The following NEGR1 variants were observed in gnomAD, a reference collection of about 807,000 sequenced individuals.
The protein encoded by NEGR1 is neuronal growth regulator 1.
A neutral mutation model predicts 40.9 loss-of-function variants in NEGR1; 10 were observed. The observed-to-expected ratio is 0.24, with a 90% CI of 0.15 to 0.42. The LOEUF (loss-of-function observed/expected upper bound fraction) is 0.42. Among genes scored for constraint, NEGR1 ranks in the 10% least tolerant of loss-of-function variants. NEGR1 has a pLI of 1.00. For synonymous variants in NEGR1, 185 were observed against 166.8 expected (o/e 1.11, Z -0.84); for missense variants, 352 against 438.9 (o/e 0.80, Z 1.77).
chr1:72,004,559 T>C (rs941494343), intron 1 of NEGR1, among the ~76,000 whole-genome samples: 2 of 152,152 alleles, frequency 1.3e-5, no homozygotes, highest in Non-Finnish European at 2.9e-5. Context: ...TCAGGGATTA[T>C]AGGCATGAAC....
At chr1:71,623,519 A>T (rs1354279172) in intron 4 of NEGR1, among the ~76,000 whole-genome samples, 1 of 151,928 alleles carries the variant, frequency 6.6e-6, no homozygotes, top group Non-Finnish European at 1.5e-5. Flanking sequence ...AAAACATCCT[A>T]GTGGGAAGTG....
At chr1:71,895,452 C>T (rs1267939514) in intron 2 of NEGR1, among the ~76,000 whole-genome samples, 1 of 152,180 alleles carries the variant, frequency 6.6e-6, no homozygotes, top group African/African-American at 2.4e-5. Context: ...ACCTACTCCT[C>T]ATTCATCCCT....
At chr1:72,207,375 T>C (rs895969504) in intron 1 of NEGR1, among the ~76,000 whole-genome samples, 6 of 151,920 alleles carry the variant, frequency 3.9e-5, no homozygotes, top group African/African-American at 1.4e-4. Context: ...TAGGGCAATG[T>C]ATGTGCTCTC....
At chr1:71,738,962 C>CA in intron 3 of NEGR1, among the ~76,000 whole-genome samples, 1 of 151,848 alleles carries the variant, frequency 6.6e-6, no homozygotes, top group Non-Finnish European at 1.5e-5. Flanking sequence ...TGACTAAGGA[C>CA]AAAAAAGAGC....
intron 2 of NEGR1, among the ~76,000 whole-genome samples, chr1:71,926,609 ACT>A (rs1255819192): frequency 6.7e-6 from 1 of 149,702 alleles, no homozygotes; most frequent in African/African-American, 2.4e-5. Context: ...AAAAGAGATG[ACT>A]CAGATGGAAG....
intron 2 of NEGR1, among the ~76,000 whole-genome samples, chr1:71,912,564 T>C (rs1661447592): frequency 6.6e-6 from 1 of 152,218 alleles, no homozygotes; most frequent in Non-Finnish European, 1.5e-5. Context: ...CTGATAAACG[T>C]CATTCTTACA....
chr1:71,461,242 ATT>A (rs775729849), intron 6 of NEGR1, among the ~76,000 whole-genome samples: 7 of 152,148 alleles, frequency 4.6e-5, no homozygotes, highest in Non-Finnish European at 8.8e-5. Context: ...TATCATGAAA[ATT>A]TTTTGCCAAT....
At chr1:72,047,299 T>C (rs895152759) in intron 1 of NEGR1, among the ~76,000 whole-genome samples, 4 of 151,308 alleles carry the variant, frequency 2.6e-5, no homozygotes, top group African/African-American at 9.7e-5. Context: ...TTTCTGAGAG[T>C]CTCCTGTCAT....
intron 4 of NEGR1, among the ~76,000 whole-genome samples, chr1:71,644,665 G>C (rs920863111): frequency 6.6e-6 from 1 of 151,914 alleles, no homozygotes; most frequent in Non-Finnish European, 1.5e-5. Flanking sequence ...TTCAATTTCT[G>C]TGTATTTCAA....
chr1:71,920,013 CA>C (rs1442973132), intron 2 of NEGR1, among the ~76,000 whole-genome samples: 1 of 152,152 alleles, frequency 6.6e-6, no homozygotes, highest in Non-Finnish European at 1.5e-5. Flanking sequence ...CTGCTCCTCT[CA>C]GTATTGAATG....
At chr1:71,754,697 A>C (rs1655676353) in intron 3 of NEGR1, among the ~76,000 whole-genome samples, 1 of 151,986 alleles carries the variant, frequency 6.6e-6, no homozygotes, top group Non-Finnish European at 1.5e-5. Flanking sequence ...ATTCACTGAA[A>C]GTGCTTTTAT....
intron 1 of NEGR1, among the ~76,000 whole-genome samples, chr1:71,970,231 C>A (rs988317641): frequency 1.3e-5 from 2 of 152,044 alleles, no homozygotes; most frequent in South Asian, 2.1e-4. Context: ...GGAATGTACA[C>A]CTATTGGGTG....
chr1:71,680,688 A>G (rs906109579), intron 4 of NEGR1, among the ~76,000 whole-genome samples: 1 of 152,172 alleles, frequency 6.6e-6, no homozygotes, highest in African/African-American at 2.4e-5. Context: ...TTTTAACACC[A>G]TTGCTCTCCT....
chr1:71,693,223 G>A (rs913239099), intron 4 of NEGR1, among the ~76,000 whole-genome samples: 5 of 151,344 alleles, frequency 3.3e-5, no homozygotes, highest in African/African-American at 7.3e-5. Flanking sequence ...TATTTGGGGA[G>A]AAAAAAACAG....
chr1:71,678,667 T>C (rs1367964468), intron 4 of NEGR1, among the ~76,000 whole-genome samples: 1 of 152,144 alleles, frequency 6.6e-6, no homozygotes, highest in African/African-American at 2.4e-5. Context: ...GTGCCACTTT[T>C]GTCTTATTTG....
intron 1 of NEGR1, among the ~76,000 whole-genome samples, chr1:71,979,321 T>C (rs1646334967): frequency 6.6e-6 from 1 of 152,072 alleles, no homozygotes; most frequent in South Asian, 2.1e-4. Context: ...TGAGTTTACC[T>C]ACATAACAAA....
At chr1:71,582,165 G>A (rs1448802542) in intron 6 of NEGR1, among the ~76,000 whole-genome samples, 1 of 152,082 alleles carries the variant, frequency 6.6e-6, no homozygotes, top group Admixed American at 6.6e-5. Context: ...ATAAACACAT[G>A]GAGATGGTAT....
intron 1 of NEGR1, among the ~76,000 whole-genome samples, chr1:72,136,198 G>A (rs1225897577): frequency 6.6e-6 from 1 of 152,116 alleles, no homozygotes; most frequent in Non-Finnish European, 1.5e-5. Context: ...GAAATAAAAT[G>A]TTAGGATGAG....
chr1:71,861,415 C>T (rs1044162277), intron 2 of NEGR1, among the ~76,000 whole-genome samples: 4 of 151,956 alleles, frequency 2.6e-5, no homozygotes, highest in African/African-American at 9.7e-5. Flanking sequence ...TTGGTCCCTT[C>T]CATGGGCAAG....
Sources: gnomAD v4.1 joint callset for allele counts (sites outside exome capture counted in the v4.1 genomes callset) on GRCh38, gnomAD v4.1.1 for gene constraint, MANE v1.5 for transcripts, NCBI Gene and HGNC (gene_info 2026-07-23, HGNC 2026-07-21) for gene names.